The following PALLD variants were observed in gnomAD, a reference collection of about 807,000 sequenced individuals.
The protein encoded by PALLD is palladin, cytoskeletal associated protein.
PALLD carries 61 observed loss-of-function variants against 123.5 expected under a neutral mutation model. That is an observed-to-expected ratio of 0.49 (90% CI 0.40 to 0.61). The LOEUF (loss-of-function observed/expected upper bound fraction) is 0.61. Ranked by LOEUF, PALLD falls within the 20% of genes least tolerant of loss-of-function variation. The probability of loss-of-function intolerance (pLI) is 0.00; values close to 1 mark genes in which losing one functional copy is unlikely to be tolerated. For missense variants in PALLD, 1,273 were observed against 1,377.0 expected (o/e 0.92, Z 1.20); for synonymous variants, 465 against 496.4 (o/e 0.94, Z 0.84).
intron 8 of PALLD, among the ~76,000 whole-genome samples, chr4:168,693,479 T>G (rs1349639855): frequency 6.6e-6 from 1 of 152,208 alleles, no homozygotes; most frequent in Non-Finnish European, 1.5e-5. Context: ...AAGAGCAAGA[T>G]ATGGAAGGCC....
intron 2 of PALLD, among the ~76,000 whole-genome samples, chr4:168,556,341 C>T (rs1767304502): frequency 6.6e-6 from 1 of 152,118 alleles, no homozygotes; most frequent in South Asian, 2.1e-4. Flanking sequence ...GTGATCCGCC[C>T]GCCTCTGCCT....
chr4:168,723,963 G>A (rs144060455), intron 10 of PALLD, among the ~76,000 whole-genome samples: 81 of 144,532 alleles, frequency 5.6e-4, no homozygotes, highest in African/African-American at 1.6e-3. Context: ...TGTGATGTCA[G>A]CTCACTGCAA....
intron 2 of PALLD, among the ~76,000 whole-genome samples, chr4:168,597,905 C>A (rs368444702): frequency 1.2e-4 from 19 of 152,104 alleles, no homozygotes; most frequent in East Asian, 1.2e-3. Context: ...GTGTTATGAG[C>A]TTTACATTAT....
intron 10 of PALLD, among the ~76,000 whole-genome samples, chr4:168,845,645 T>C (rs1746730863): frequency 6.6e-6 from 1 of 152,210 alleles, no homozygotes; most frequent in African/African-American, 2.4e-5. Context: ...GAAGGGTTCC[T>C]GGAACCAGTC....
In PALLD at chr4:168,512,307, C is replaced by T. The variant is rs746731764; in HGVS notation, c.803C>T (p.Pro268Leu). 2.0e-5 allele frequency: 32 copies of T among 1,614,184 alleles called. No homozygotes were observed. Among genetic ancestry groups the T allele is most frequent in the Non-Finnish European group, 2.7e-5 (32 of 1,180,030 alleles). ...HPQPHSALHF[P>L]AAPRFIQKLR... Reference sequence around the variant, plus strand: ...CAGCCCCACAGCGCCCTCCACTTCCCAGCTGCACCTCGATTCATCCAAAAG... The same window carrying T: ...CAGCCCCACAGCGCCCTCCACTTCCTAGCTGCACCTCGATTCATCCAAAAG... The change falls in exon 2 of 22, where the codon CCA (proline) becomes CTA (leucine). Residue 268 changes from proline (P) to leucine (L), a missense_variant. Pro to Leu is a moderately conservative substitution (Grantham distance 98). This residue lies in a region of PALLD where 944 missense variants were observed against 954.5 expected (regional missense o/e 0.99). Transcript: ENST00000505667.
At chr4:168,889,160 G>GTGTGTGTGTGTGTA (rs755278039) in intron 10 of PALLD, among the ~76,000 whole-genome samples, 1 of 147,650 alleles carries the variant, frequency 6.8e-6, no homozygotes, top group Non-Finnish European at 1.5e-5. Context: ...GTGTGTGTGT[G>GTGTGTGTGTGTGTA]TGTGTGGTTT....
At chr4:168,752,219 C>A (rs1470931066) in intron 10 of PALLD, among the ~76,000 whole-genome samples, 1 of 152,162 alleles carries the variant, frequency 6.6e-6, no homozygotes, top group African/African-American at 2.4e-5. Flanking sequence ...CAAAAAAGTC[C>A]AAAAATTAGC....
intron 8 of PALLD, among the ~76,000 whole-genome samples, chr4:168,694,438 CTCTCTG>C (rs921526391): frequency 1.3e-5 from 2 of 152,128 alleles, no homozygotes; most frequent in African/African-American, 4.8e-5. Context: ...TCTCCCCCTC[CTCTCTG>C]TCTCTTTCTC....
chr4:168,607,013 A>T (rs1773249259), intron 2 of PALLD, among the ~76,000 whole-genome samples: 1 of 152,176 alleles, frequency 6.6e-6, no homozygotes, highest in Admixed American at 6.5e-5. Flanking sequence ...AGAAAGGTAA[A>T]ATCATATTTT....
At chr4:168,521,186 C>CA (rs200266148) in intron 2 of PALLD, among the ~76,000 whole-genome samples, 2,561 of 149,130 alleles carry the variant, frequency 0.017, 67 homozygotes, top group African/African-American at 0.059. Context: ...AAAACAAAAA[C>CA]AAAAAAAAAC....
intron 10 of PALLD, among the ~76,000 whole-genome samples, chr4:168,785,693 C>A (rs1736610284): frequency 6.6e-6 from 1 of 151,484 alleles, no homozygotes; most frequent in Non-Finnish European, 1.5e-5. Flanking sequence ...GGCGTACTTA[C>A]CCCGTTACTG....
At chr4:168,637,123 A>C (rs1042628790) in intron 2 of PALLD, among the ~76,000 whole-genome samples, 1 of 152,204 alleles carries the variant, frequency 6.6e-6, no homozygotes, top group Non-Finnish European at 1.5e-5. Context: ...TTCTACTTAA[A>C]GATAGAAACG....
At chr4:168,560,781 C>T (rs1250947735) in intron 2 of PALLD, among the ~76,000 whole-genome samples, 1 of 152,120 alleles carries the variant, frequency 6.6e-6, no homozygotes, top group Admixed American at 6.6e-5. Context: ...CAGGTCTAAC[C>T]CTGTCTTTAG....
chr4:168,639,585 C>G (rs931398053), intron 2 of PALLD, among the ~76,000 whole-genome samples: 1 of 151,382 alleles, frequency 6.6e-6, no homozygotes, highest in Non-Finnish European at 1.5e-5. Context: ...GCTCTGTCAC[C>G]CAGGCTGGAG....
At chr4:168,543,555 C>CAA (rs956286844) in intron 2 of PALLD, among the ~76,000 whole-genome samples, 4 of 135,788 alleles carry the variant, frequency 2.9e-5, no homozygotes, top group African/African-American at 1.1e-4. Context: ...GGCAGGAGGG[C>CAA]AAAAAAAAAA....
intron 10 of PALLD, among the ~76,000 whole-genome samples, chr4:168,803,843 G>A (rs1023274705): frequency 1.3e-5 from 2 of 152,192 alleles, no homozygotes; most frequent in African/African-American, 2.4e-5. Context: ...GAGGACTTCA[G>A]TGCAAAACGG....
rs183805294 is a variant in PALLD, at chr4:168,542,567, A to G, written c.908+30155A>G. The stretch of plus-strand genomic sequence containing the variant: ...AACTTGGCACTTTATATCAACCACA[A>G]CCACAATCCAGCAGTTTCCATAAAC... On this transcript the variant is annotated intron_variant, in intron 2 of 21. Transcript: ENST00000505667. Among the ~76,000 whole-genome samples, 618 of 151,166 alleles carry G rather than the reference A, an allele frequency of 4.1e-3. 7 individuals are homozygous for G. Among genetic ancestry groups the G allele is most frequent in the African/African-American group, 0.014 (571 of 41,040 alleles).
At chr4:168,656,670 C>T (rs1312517673) in intron 2 of PALLD, among the ~76,000 whole-genome samples, 4 of 152,064 alleles carry the variant, frequency 2.6e-5, no homozygotes, top group South Asian at 2.1e-4. Context: ...AGAAATGTCC[C>T]GGCTTGGGCA....
intron 2 of PALLD, among the ~76,000 whole-genome samples, chr4:168,630,461 A>T (rs1290324470): frequency 6.6e-6 from 1 of 152,222 alleles, no homozygotes; most frequent in Non-Finnish European, 1.5e-5. Flanking sequence ...TCAATATTTC[A>T]TGACTCACCA....
Sources: gnomAD v4.1 joint callset for allele counts (sites outside exome capture counted in the v4.1 genomes callset) on GRCh38, gnomAD v4.1.1 for gene constraint, gnomAD v4.1.1 regional missense constraint, MANE v1.5 for transcripts, NCBI Gene and HGNC (gene_info 2026-07-23, HGNC 2026-07-21) for gene names.